The following POU6F2 variants were observed in gnomAD, a reference collection of about 807,000 sequenced individuals.
POU6F2 encodes POU domain, class 6, transcription factor 2.
A neutral mutation model predicts 71.3 loss-of-function variants in POU6F2; 31 were observed. That is an observed-to-expected ratio of 0.43 (90% confidence interval 0.33 to 0.59). The LOEUF is 0.59. Among genes scored for constraint, POU6F2 ranks in the 20% least tolerant of loss-of-function variants. The probability of loss-of-function intolerance (pLI) is 0.04; values close to 1 mark genes in which losing one functional copy is unlikely to be tolerated. For missense variants in POU6F2, 783 were observed against 856.8 expected (o/e 0.91, Z 1.07); for synonymous variants, 347 against 355.7 (o/e 0.98, Z 0.27).
chr7:39,077,500 A>G (rs569677270), intron 1 of POU6F2, among the ~76,000 whole-genome samples: 10 of 152,316 alleles, frequency 6.6e-5, no homozygotes, highest in African/African-American at 1.7e-4. Flanking sequence ...GTTTAAATAC[A>G]GCTGCATCTG....
chr7:39,058,137 C>A (rs1430517407), intron 1 of POU6F2, among the ~76,000 whole-genome samples: 1 of 152,214 alleles, frequency 6.6e-6, no homozygotes, highest in Non-Finnish European at 1.5e-5. Context: ...TTCCTCCCCC[C>A]TTGTTTAAAT....
chr7:39,456,208 T>C (rs1337051847), intron 8 of POU6F2, among the ~76,000 whole-genome samples: 1 of 152,210 alleles, frequency 6.6e-6, no homozygotes, highest in Non-Finnish European at 1.5e-5. Context: ...GGATTTTACC[T>C]GAAGTTCCCA....
At chr7:39,431,071 T>C (rs117940021) in intron 6 of POU6F2, among the ~76,000 whole-genome samples, 22 of 152,300 alleles carry the variant, frequency 1.4e-4, no homozygotes, top group Non-Finnish European at 2.6e-4. Flanking sequence ...TCTATTGATG[T>C]GGACGCCTCC....
intron 1 of POU6F2, among the ~76,000 whole-genome samples, chr7:39,010,831 G>A (rs1257846654): frequency 6.6e-6 from 1 of 150,440 alleles, no homozygotes; most frequent in East Asian, 1.9e-4. Context: ...TAGTTGAGTG[G>A]TTTTGAGTGA....
chr7:39,101,977 A>C (rs1185813584), intron 2 of POU6F2, among the ~76,000 whole-genome samples: 1 of 152,168 alleles, frequency 6.6e-6, no homozygotes, highest in Non-Finnish European at 1.5e-5. Flanking sequence ...ATACTTTTAC[A>C]CTATCTTTTG....
intron 2 of POU6F2, among the ~76,000 whole-genome samples, chr7:39,128,136 CG>C (rs993841520): frequency 1.3e-5 from 2 of 151,970 alleles, no homozygotes; most frequent in Non-Finnish European, 2.9e-5. Flanking sequence ...CCACTGTGCC[CG>C]GCCGCCAGTG....
Position 39,219,796 on chromosome 7 carries a change from C to T in POU6F2, c.598+12176C>T, listed in dbSNP as rs59334839. ...TAGCGCAAATATACAGGTCCATTAA[C>T]ACATTTTTATGCATCTCAGTTCCCT... On this transcript the variant is annotated intron_variant, in intron 4 of 9. Transcript: ENST00000518318. Among the ~76,000 whole-genome samples, 374 of 152,254 alleles carry T rather than the reference C, an allele frequency of 2.5e-3. 12 individuals carry two copies. The East Asian group carries it at 0.066, about 27-fold the overall frequency.
chr7:39,417,340 A>T (rs1787702404), intron 6 of POU6F2, among the ~76,000 whole-genome samples: 1 of 152,194 alleles, frequency 6.6e-6, no homozygotes, highest in Non-Finnish European at 1.5e-5. Flanking sequence ...GAAATGAGAA[A>T]TAAATCAGAG....
intron 4 of POU6F2, among the ~76,000 whole-genome samples, chr7:39,327,686 T>C (rs971595325): frequency 1.9e-4 from 29 of 151,908 alleles, no homozygotes; most frequent in Admixed American, 1.6e-3. Flanking sequence ...ATATAAATCA[T>C]ATATATATAA....
intron 4 of POU6F2, among the ~76,000 whole-genome samples, chr7:39,299,652 A>C (rs947359532): frequency 6.6e-6 from 1 of 152,160 alleles, no homozygotes; most frequent in Non-Finnish European, 1.5e-5. Context: ...GTGAGAACTA[A>C]ATAAACCGGA....
intron 4 of POU6F2, among the ~76,000 whole-genome samples, chr7:39,235,319 A>G (rs1341115385): frequency 6.6e-6 from 1 of 152,210 alleles, no homozygotes. Flanking sequence ...TAGCTCCTGA[A>G]TATCAAGTAC....
At chr7:39,263,707 C>T (rs1173608793) in intron 4 of POU6F2, among the ~76,000 whole-genome samples, 1 of 152,096 alleles carries the variant, frequency 6.6e-6, no homozygotes, top group East Asian at 1.9e-4. Flanking sequence ...CGCCCCACTT[C>T]ATCTTTCTAA....
chr7:39,148,920 A>C (rs773263291), intron 2 of POU6F2, among the ~76,000 whole-genome samples: 22 of 152,216 alleles, frequency 1.4e-4, no homozygotes. Flanking sequence ...TTTGTCAGTA[A>C]AGTGTGGAAG....
chr7:39,312,228 A>C (rs1785179446), intron 4 of POU6F2, among the ~76,000 whole-genome samples: 1 of 152,224 alleles, frequency 6.6e-6, no homozygotes, highest in South Asian at 2.1e-4. Context: ...GGACTGAATC[A>C]GCATGACAAA....
rs556845827 is a variant in POU6F2 at position 39,138,869 on chromosome 7, G to A, written c.277+52838G>A. ...GGCACAGCTCATCTTTCCCTTTCAC[G>A]TCATGGAGTCATAATTTGACTCTCC... is the stretch of plus-strand genomic sequence containing the variant. On this transcript the variant is annotated intron_variant, in intron 2 of 9. Coordinates refer to ENST00000518318, the MANE Select transcript of POU6F2 (RefSeq NM_001370959.1). Among the ~76,000 whole-genome samples, 6 of 152,084 alleles carry A rather than the reference G, an allele frequency of 3.9e-5. No individual in the cohort carries two copies. The East Asian group carries it at 5.8e-4, about 15-fold the overall frequency.
At chr7:39,163,825 T>C (rs895329042) in intron 2 of POU6F2, among the ~76,000 whole-genome samples, 1 of 152,118 alleles carries the variant, frequency 6.6e-6, no homozygotes, top group African/African-American at 2.4e-5. Flanking sequence ...CGGAATACTA[T>C]TCAGCCTTAA....
chr7:39,293,423 TGCAGTC>T, intron 4 of POU6F2, among the ~76,000 whole-genome samples: 1 of 152,344 alleles, frequency 6.6e-6, no homozygotes, highest in South Asian at 2.1e-4. Flanking sequence ...TGTAGTTATC[TGCAGTC>T]TATTCATATA....
At chr7:39,397,579 G>A (rs1015665588) in intron 5 of POU6F2, among the ~76,000 whole-genome samples, 1 of 148,164 alleles carries the variant, frequency 6.7e-6, no homozygotes, top group Non-Finnish European at 1.5e-5. Flanking sequence ...TGCAACCTTC[G>A]CCTCCCGGGC....
At chr7:38,995,408 A>T (rs1788708029) in intron 1 of POU6F2, among the ~76,000 whole-genome samples, 1 of 152,214 alleles carries the variant, frequency 6.6e-6, no homozygotes, top group South Asian at 2.1e-4. Flanking sequence ...TGAAAATGAC[A>T]CATGTATACA....
Sources: allele counts gnomAD v4.1 joint callset (sites outside exome capture counted in the v4.1 genomes callset), GRCh38; gene constraint gnomAD v4.1.1; transcripts MANE v1.5; gene names NCBI Gene and HGNC (gene_info 2026-07-23, HGNC 2026-07-21).